Variants in MYH15 observed in about 807,000 individuals in gnomAD.
MYH15 encodes the protein myosin heavy chain 15.
MYH15 carries 227 observed loss-of-function variants against 240.5 expected under a neutral mutation model. That is an observed-to-expected ratio of 0.94 (90% CI 0.85 to 1.05). The LOEUF is 1.05. Among genes scored for constraint, MYH15 ranks in the 50% least tolerant of loss-of-function variants. MYH15 has a pLI of 0.00. For synonymous variants in MYH15, 785 were observed against 796.7 expected, an observed-to-expected ratio of 0.99 and a Z score of 0.25; for missense variants, 2,217 against 2,247.5, an observed-to-expected ratio of 0.99 and a Z score of 0.27.
intron 21 of MYH15, among the ~76,000 whole-genome samples, chr3:108,451,006 A>G (rs1174214798): frequency 6.6e-6 from 1 of 152,180 alleles, no homozygotes; most frequent in Non-Finnish European, 1.5e-5. Flanking sequence ...ACAAAAAAAT[A>G]CTAGAAATGA....
At chr3:108,395,459 G>A (rs927687767) in intron 35 of MYH15, among the ~76,000 whole-genome samples, 1 of 152,098 alleles carries the variant, frequency 6.6e-6, no homozygotes, top group Admixed American at 6.5e-5. Context: ...GTATTTTCCT[G>A]AAGTGTTTTT....
intron 26 of MYH15, among the ~76,000 whole-genome samples, chr3:108,430,595 G>A (rs997369714): frequency 2.0e-5 from 3 of 152,172 alleles, no homozygotes; most frequent in Non-Finnish European, 4.4e-5. Flanking sequence ...ACAATGCCTG[G>A]TTCACAGCAA....
At chr3:108,393,548 G>A (rs1478623400) in intron 36 of MYH15, among the ~76,000 whole-genome samples, 1 of 152,120 alleles carries the variant, frequency 6.6e-6, no homozygotes, top group African/African-American at 2.4e-5. Context: ...AATAAAGAAA[G>A]TACAGCAGCC....
Position 108,501,865 on chromosome 3 carries a change from G to A in MYH15, c.196-10C>T. 1.2e-6 allele frequency: 2 copies of A among 1,612,512 alleles called. No individual in the cohort carries two copies. Among genetic ancestry groups the A allele is most frequent in the Non-Finnish European group, 1.7e-6 (2 of 1,178,618 alleles). Reference sequence around the variant, plus strand: ...CCTTTATGCTCAGACTCTGCAGAGAGAAGAAAAATATATGATATATTCCCC... The same window carrying A: ...CCTTTATGCTCAGACTCTGCAGAGAAAAGAAAAATATATGATATATTCCCC... On this transcript the variant is annotated splice_polypyrimidine_tract_variant and intron_variant, in intron 2 of 40. Coordinates refer to ENST00000693548, the MANE Select transcript of MYH15 (RefSeq NM_014981.3).
chr3:108,542,704 C>CA, the MYH15 span, among the ~76,000 whole-genome samples: 2 of 152,080 alleles, frequency 1.3e-5, no homozygotes, highest in South Asian at 4.1e-4. Flanking sequence ...CTCTTGCCCC[C>CA]CACTCCTCCC....
chr3:108,437,458 T>C, intron 25 of MYH15, 96 bp downstream of exon 25: 1 of 1,443,226 alleles, frequency 6.9e-7, no homozygotes, highest in Non-Finnish European at 9.3e-7. Context: ...TCTTGAGCTA[T>C]CTGGCCCTGG....
At chr3:108,493,050 G>T in intron 8 of MYH15, 64 bp downstream of exon 8, 2 of 1,337,582 alleles carry the variant, frequency 1.5e-6, no homozygotes, top group Non-Finnish European at 2.1e-6. Flanking sequence ...AGGAAGGAAA[G>T]AGAAGGGAAG....
At chr3:108,461,136 G>C (rs917637046) in intron 16 of MYH15, among the ~76,000 whole-genome samples, 1 of 152,144 alleles carries the variant, frequency 6.6e-6, no homozygotes, top group African/African-American at 2.4e-5. Context: ...AAAATCCATA[G>C]GCAAGCTGGA....
intron 27 of MYH15, among the ~76,000 whole-genome samples, chr3:108,423,219 C>A (rs1225784500): frequency 6.6e-6 from 1 of 152,200 alleles, no homozygotes; most frequent in African/African-American, 2.4e-5. Context: ...TCCGAGGCTC[C>A]ACTCCAGTGG....
At chr3:108,484,916 T>C (rs1194398824) in intron 11 of MYH15, among the ~76,000 whole-genome samples, 175 bp downstream of exon 11, 3 of 152,180 alleles carry the variant, frequency 2.0e-5, no homozygotes, top group Non-Finnish European at 4.4e-5. Flanking sequence ...TATTCTGTGA[T>C]AGGAGGATTC....
At chr3:108,491,054 A>G (rs2083342785) in intron 9 of MYH15, among the ~76,000 whole-genome samples, 1 of 152,008 alleles carries the variant, frequency 6.6e-6, no homozygotes, top group Non-Finnish European at 1.5e-5. Flanking sequence ...TGCCTGGCTA[A>G]GTTTTGTATT....
chr3:108,397,294 AT>A (rs1014259586), intron 35 of MYH15, among the ~76,000 whole-genome samples: 1 of 152,104 alleles, frequency 6.6e-6, no homozygotes, highest in African/African-American at 2.4e-5. Flanking sequence ...ATACTCTAGC[AT>A]GTGAATTTCC....
Position 108,488,414 on chromosome 3 carries a change from C to T in MYH15, c.872-1888G>A, listed in dbSNP as rs187254049. 1.1e-3 allele frequency among the ~76,000 whole-genome samples: 165 copies of T among 152,200 alleles called. 2 individuals are homozygous for T. Among genetic ancestry groups the T allele is most frequent in the Non-Finnish European group, 1.4e-3 (94 of 68,016 alleles). The stretch of plus-strand genomic sequence containing the variant: ...CCTCAATCTCCCAGGCTCAAGTGAT[C>T]CTCCCACCTCAGCCTCCCTAGTAGC... On this transcript the variant is annotated intron_variant, in intron 9 of 40. Coordinates refer to ENST00000693548, the MANE Select transcript of MYH15 (RefSeq NM_014981.3).
rs186710312 is a variant in MYH15, at chr3:108,495,797, C to T, written c.694G>A (p.Asp232Asn). The T allele has an allele frequency of 2.2e-5, 35 of 1,611,270 alleles. No individual in the cohort carries two copies. In the African/African-American group the frequency reaches 4.1e-4, roughly 19 times the overall value. The change falls in exon 7 of 41, where the codon GAC (aspartate) becomes AAC (asparagine). Residue 232 changes from aspartate (D) to asparagine (N), a missense_variant. Transcript: ENST00000693548. Reference protein sequence around the residue: ...AFGNAKTLRNDNSSRFGKFIR... With the variant: ...AFGNAKTLRNNNSSRFGKFIR... ...TTACTTACAAAACGAGAGGAGTTGT[C>T]ATTTCTCAGGGTTTTAGCATTTCCA...
At chr3:108,437,744 T>C (rs1444525000) in intron 24 of MYH15, 45 bp from the exon 25 acceptor site, 1 of 1,578,518 alleles carries the variant, frequency 6.3e-7, no homozygotes, top group Non-Finnish European at 8.6e-7. Flanking sequence ...AGGTAGAGTT[T>C]ATACTTCACT....
the MYH15 span, among the ~76,000 whole-genome samples, chr3:108,549,347 C>G: frequency 6.6e-6 from 1 of 151,028 alleles, no homozygotes; most frequent in Non-Finnish European, 1.5e-5. Context: ...AGAAAAACAA[C>G]AGAAACAATA....
intron 1 of MYH15, chr3:108,529,222 T>A (rs370236168): frequency 6.3e-7 from 1 of 1,584,652 alleles, no homozygotes; most frequent in African/African-American, 1.3e-5. Context: ...TATTCAGCAT[T>A]CTGTTAGACA....
intron 35 of MYH15, among the ~76,000 whole-genome samples, chr3:108,395,789 A>T (rs994685463): frequency 1.3e-5 from 2 of 152,138 alleles, no homozygotes; most frequent in African/African-American, 4.8e-5. Flanking sequence ...CTGGAAATGC[A>T]GGAGGTAGCT....
intron 4 of MYH15, among the ~76,000 whole-genome samples, 188 bp from the exon 5 acceptor site, chr3:108,499,670 G>A (rs1167210176): frequency 6.6e-6 from 1 of 152,126 alleles, no homozygotes; most frequent in Non-Finnish European, 1.5e-5. Flanking sequence ...TTGCCCCTAT[G>A]TATGCCAATC....
Sources: allele counts gnomAD v4.1 joint callset (sites outside exome capture counted in the v4.1 genomes callset), GRCh38; gene constraint gnomAD v4.1.1; transcripts MANE v1.5; gene names NCBI Gene and HGNC (gene_info 2026-07-23, HGNC 2026-07-21).